PRKCA: variants seen among roughly 807,000 people sequenced by gnomAD.
The protein encoded by PRKCA is protein kinase C alpha type.
In PRKCA, 27 loss-of-function variants were observed where a neutral mutation model predicts 87.0. The ratio of observed to expected loss-of-function variants is 0.31; its 90% CI spans 0.23 to 0.43. PRKCA has a LOEUF of 0.43. Among genes scored for constraint, PRKCA ranks in the 20% least tolerant of loss-of-function variants. PRKCA has a pLI of 1.00. For missense variants in PRKCA, 518 were observed against 852.3 expected (o/e 0.61, Z 4.88); for synonymous variants, 329 against 311.1 (o/e 1.06, Z -0.61).
rs58356468 is a variant in PRKCA, at chr17:66,765,418, CTATATATATATATATATATATA to C, written c.1525-8553_1525-8532del. Among the ~76,000 whole-genome samples, 22 of 49,338 alleles carry C rather than the reference CTATATATATATATATATATATA, an allele frequency of 4.5e-4. 2 individuals carry two copies. Among genetic ancestry groups the C allele is most frequent in the African/African-American group, 8.3e-4 (11 of 13,296 alleles). 32.4% of individuals were successfully genotyped at this position (49,338 alleles called of 152,430 possible). On this transcript the variant is annotated intron_variant, in intron 13 of 16. Coordinates refer to ENST00000413366, the MANE Select transcript of PRKCA (RefSeq NM_002737.3). Reference sequence around the variant, plus strand: ...CCTGGTCGACAGAGCAAGACTTTGTCTATATATATATATATATATATATATATATATATATATCCATATATAT... The same window carrying C: ...CCTGGTCGACAGAGCAAGACTTTGTCTATATATATATATATCCATATATAT...
At chr17:66,641,269 G>A in intron 3 of PRKCA, 86 bp from the exon 4 acceptor site, 1 of 834,274 alleles carries the variant, frequency 1.2e-6, no homozygotes, top group Non-Finnish European at 2.0e-6. Context: ...CTTGGGGCTG[G>A]GGAGTGGTGG....
At chr17:66,758,732 T>C (rs1974613122) in intron 13 of PRKCA, among the ~76,000 whole-genome samples, 6 of 152,204 alleles carry the variant, frequency 3.9e-5, no homozygotes, top group Admixed American at 3.9e-4. Flanking sequence ...CAGTAGCCTC[T>C]CATCTTTGTG....
chr17:66,398,046 A>G (rs1033496054), intron 2 of PRKCA: 1 of 152,154 alleles, frequency 6.6e-6, no homozygotes, highest in Non-Finnish European at 1.5e-5. Flanking sequence ...ATTAATCCCT[A>G]TGTCAATGTA....
chr17:66,779,935 G>T (rs527684674), intron 14 of PRKCA, among the ~76,000 whole-genome samples: 1 of 152,290 alleles, frequency 6.6e-6, no homozygotes, highest in South Asian at 2.1e-4. Flanking sequence ...TACCCCCATG[G>T]TCCCCAGGCT....
At chr17:66,778,658 C>T (rs75242982) in intron 14 of PRKCA, among the ~76,000 whole-genome samples, 1 of 151,950 alleles carries the variant, frequency 6.6e-6, no homozygotes, top group Non-Finnish European at 1.5e-5. Flanking sequence ...ACCAGGGCAA[C>T]ATGACAAAAT....
At chr17:66,306,327 GAAA>G (rs141495406) in intron 2 of PRKCA, 200 bp downstream of exon 2, 719 of 299,256 alleles carry the variant, frequency 2.4e-3, no homozygotes, top group Middle Eastern at 4.4e-3. Flanking sequence ...TTTCTCATTG[GAAA>G]AAAAAAAAAA....
intron 2 of PRKCA, among the ~76,000 whole-genome samples, chr17:66,418,738 T>C (rs1202103016): frequency 6.6e-6 from 1 of 150,590 alleles, no homozygotes; most frequent in Non-Finnish European, 1.5e-5. Context: ...TCCCAGCCGG[T>C]TTCAGCGTTT....
rs538615475 is a variant in PRKCA at position 66,524,733 on chromosome 17, A to G, written c.288+28450A>G. On this transcript the variant is annotated intron_variant, in intron 3 of 16. Transcript: ENST00000413366. ...CTCACAGAGCTTAGGTTACAGTGCC[A>G]TTGGCCTGGAAGGTACGCTTGCCTA... 2.6e-5 allele frequency among the ~76,000 whole-genome samples: 4 copies of G among 152,300 alleles called. No individual in the cohort carries two copies. In the South Asian group the frequency reaches 8.3e-4, roughly 32 times the overall value.
rs116552935 is a variant in PRKCA at position 66,311,858 on chromosome 17, T to C, written c.205+5731T>C. 8.9e-3 allele frequency among the ~76,000 whole-genome samples: 1,354 copies of C among 152,304 alleles called. 24 individuals carry two copies. Among genetic ancestry groups the C allele is most frequent in the African/African-American group, 0.031 (1,307 of 41,560 alleles). On this transcript the variant is annotated intron_variant, in intron 2 of 16. Transcript: ENST00000413366. ...CGTTAATTTATTCACACATCAATCC[T>C]ACCCCCGCCACCAGAAGCTGGGGTT...
chr17:66,577,356 G>A (rs1969270320), intron 3 of PRKCA, among the ~76,000 whole-genome samples: 2 of 152,066 alleles, frequency 1.3e-5, no homozygotes, highest in Admixed American at 1.3e-4. Flanking sequence ...TCCTGATTTG[G>A]GCCTGAGAGG....
At chr17:66,378,515 C>T (rs1909603469) in intron 2 of PRKCA, among the ~76,000 whole-genome samples, 1 of 152,180 alleles carries the variant, frequency 6.6e-6, no homozygotes, top group South Asian at 2.1e-4. Context: ...CCTTAGCAAT[C>T]ACTGTCTATT....
At chr17:66,699,618 C>T (rs1290190227) in intron 8 of PRKCA, among the ~76,000 whole-genome samples, 2 of 152,232 alleles carry the variant, frequency 1.3e-5, no homozygotes, top group Non-Finnish European at 2.9e-5. Flanking sequence ...GACAAGGTCT[C>T]GCTCTGTTGC....
intron 13 of PRKCA, among the ~76,000 whole-genome samples, chr17:66,765,325 A>G (rs148842813): frequency 5.7e-4 from 86 of 150,070 alleles, no homozygotes; most frequent in African/African-American, 9.8e-4. Flanking sequence ...AGGCGGGAGA[A>G]TCGCTTGAAC....
At chr17:66,701,147 T>TA (rs1185891187) in intron 8 of PRKCA, among the ~76,000 whole-genome samples, 2 of 152,010 alleles carry the variant, frequency 1.3e-5, no homozygotes, top group Admixed American at 6.6e-5. Flanking sequence ...ACCCCACACA[T>TA]ACGTGGTCAA....
chr17:66,468,811 C>T (rs1342874881), intron 2 of PRKCA, among the ~76,000 whole-genome samples: 1 of 152,148 alleles, frequency 6.6e-6, no homozygotes, highest in African/African-American at 2.4e-5. Flanking sequence ...CCCAGATTCC[C>T]ATTCACCACT....
At chr17:66,730,616 G>T (rs1053757804) in intron 8 of PRKCA, among the ~76,000 whole-genome samples, 2 of 152,196 alleles carry the variant, frequency 1.3e-5, no homozygotes, top group Non-Finnish European at 2.9e-5. Flanking sequence ...CCTATAGCAT[G>T]CCAATGTATT....
At chr17:66,692,845 A>C (rs776642559) in intron 8 of PRKCA, among the ~76,000 whole-genome samples, 1 of 152,158 alleles carries the variant, frequency 6.6e-6, no homozygotes, top group Non-Finnish European at 1.5e-5. Context: ...TGTTAAGTTC[A>C]ATGATGAATC....
At chr17:66,752,213 G>C (rs1032006078) in intron 13 of PRKCA, among the ~76,000 whole-genome samples, 3 of 152,236 alleles carry the variant, frequency 2.0e-5, no homozygotes, top group Admixed American at 6.5e-5. Context: ...CTCAGAGGGA[G>C]CACTCCGGAA....
At chr17:66,507,905 A>C (rs1242962280) in intron 3 of PRKCA, among the ~76,000 whole-genome samples, 1 of 152,232 alleles carries the variant, frequency 6.6e-6, no homozygotes, top group Non-Finnish European at 1.5e-5. Context: ...ATACATTTCC[A>C]GCAGGAGATT....
Sources: gnomAD v4.1 joint callset for allele counts (sites outside exome capture counted in the v4.1 genomes callset) on GRCh38, gnomAD v4.1.1 for gene constraint, MANE v1.5 for transcripts, NCBI Gene and HGNC (gene_info 2026-07-23, HGNC 2026-07-21) for gene names.